The following PWWP3A variants were observed in gnomAD, a reference collection of about 807,000 sequenced individuals.
PWWP3A encodes the protein PWWP domain-containing DNA repair factor 3A.
Under a neutral mutation model 79.0 loss-of-function variants are expected in PWWP3A, and 53 were observed. The ratio of observed to expected loss-of-function variants is 0.67; its 90% confidence interval spans 0.54 to 0.84. The LOEUF is 0.84. Ranked by LOEUF, PWWP3A falls within the 40% of genes least tolerant of loss-of-function variation. The probability of loss-of-function intolerance (pLI) is 0.00; values close to 1 mark genes in which losing one functional copy is unlikely to be tolerated. For synonymous variants in PWWP3A, 443 were observed against 394.4 expected (o/e 1.12, Z -1.46); for missense variants, 973 against 948.0 (o/e 1.03, Z -0.35).
chr19:1,366,157 C>T, intron 7 of PWWP3A, 148 bp from the exon 8 acceptor site: 1 of 749,790 alleles, frequency 1.3e-6, no homozygotes, highest in Non-Finnish European at 2.2e-6. Flanking sequence ...GGCCGTTTCT[C>T]AGCGCCTCCT....
chr19:1,373,125 G>A lies in PWWP3A; in HGVS notation c.2040G>A (p.Glu680=), dbSNP rs1340638020. ...AVDEVDYKTA[E]EKYIKGPSLS... ...ACGAGGTGGACTACAAGACGGCTGA[G>A]GAGAAGTACATCAAGGGGCCTTCGC... The change falls in exon 13 of 14, where the codon GAG becomes GAA. Residue 680 remains glutamate, a synonymous_variant. Coordinates refer to ENST00000591337, the MANE Select transcript of PWWP3A (RefSeq NM_001369789.1). 6.2e-7 allele frequency: 1 copy of A among 1,614,254 alleles called. No individual in the cohort carries two copies. The highest frequency in any genetic ancestry group is 2.2e-5 in the East Asian group (1 of 44,890).
intron 12 of PWWP3A, chr19:1,372,712 A>C: frequency 5.6e-6 from 1 of 178,078 alleles, no homozygotes; most frequent in Non-Finnish European, 1.2e-5. Context: ...AGCTGAGATT[A>C]TGCCATTGCG....
chr19:1,372,878 G>A (rs2144762959), intron 12 of PWWP3A, 194 bp from the exon 13 acceptor site: 1 of 582,940 alleles, frequency 1.7e-6, no homozygotes, highest in Non-Finnish European at 3.1e-6. Context: ...CCGAAAGATA[G>A]TACTGATTTA....
At position 1,360,243 on chromosome 19, in the gene PWWP3A, A is replaced by G; in HGVS notation, c.322A>G (p.Ser108Gly). The G allele has an allele frequency of 1.9e-6, 3 of 1,614,078 alleles. No homozygotes were observed. Among genetic ancestry groups the G allele is most frequent in the Non-Finnish European group, 2.5e-6 (3 of 1,179,986 alleles). ...LSEGSIWSQE[S>G]SAGTGRADRS... ...CGAGGGCTCGATTTGGAGTCAAGAA[A>G]GCTCTGCAGGGACAGGTAGAGCTGA... The change falls in exon 5 of 14, where the codon AGC (serine) becomes GGC (glycine). Residue 108 changes from serine to glycine, a missense_variant. Coordinates refer to ENST00000591337, the MANE Select transcript of PWWP3A (RefSeq NM_001369789.1). The surrounding 1 kb of genome is among the most constrained non-coding windows in gnomAD (Gnocchi z 4.4).
intron 7 of PWWP3A, among the ~76,000 whole-genome samples, chr19:1,364,978 G>C (rs895998132): frequency 2.6e-5 from 4 of 152,084 alleles, no homozygotes; most frequent in African/African-American, 7.2e-5. Flanking sequence ...AAATTAGCCG[G>C]GCGTGGTGGC....
At chr19:1,371,318 A>G in intron 12 of PWWP3A, 2 of 709,136 alleles carry the variant, frequency 2.8e-6, no homozygotes, top group Admixed American at 2.0e-5. Flanking sequence ...GGAGCTGCTT[A>G]GAAGCTGTCA....
intron 7 of PWWP3A, 129 bp from the exon 8 acceptor site, chr19:1,366,165 CCTTGCGGGAGA>C: frequency 1.3e-6 from 1 of 774,390 alleles, no homozygotes; most frequent in Non-Finnish European, 2.1e-6. Flanking sequence ...CTCAGCGCCT[CCTTGCGGGAGA>C]CTTCGCTGGG....
chr19:1,357,611 T>C (rs1431630590), intron 3 of PWWP3A: 2 of 153,110 alleles, frequency 1.3e-5, no homozygotes, highest in African/African-American at 2.4e-5. Flanking sequence ...ATTGTTCTGC[T>C]CCGTGAGTGT....
Position 1,371,011 on chromosome 19 carries a change from G to A in PWWP3A, c.1919G>A (p.Gly640Glu), listed in dbSNP as rs1263579030. The A allele has an allele frequency of 1.3e-6, 2 of 1,573,108 alleles. No homozygotes were observed. The highest frequency in any genetic ancestry group is 1.7e-6 in the Non-Finnish European group (2 of 1,159,084). Residue 640 changes from glycine to glutamate, a missense_variant, in exon 12 of 14, where the codon GGG (glycine) becomes GAG (glutamate). Coordinates refer to ENST00000591337, the MANE Select transcript of PWWP3A (RefSeq NM_001369789.1). Reference protein sequence around the residue: ...KYLQGVYQEVGAKVLQRTNGD... With the variant: ...KYLQGVYQEVEAKVLQRTNGD... The stretch of plus-strand genomic sequence containing the variant: ...CTGCAGGGCGTCTACCAGGAGGTGG[G>A]GGCCAAGGTGCTCCAGCGCACCAAC...
intron 5 of PWWP3A, among the ~76,000 whole-genome samples, chr19:1,361,732 C>T (rs1382021536): frequency 6.8e-6 from 1 of 146,952 alleles, no homozygotes; most frequent in Non-Finnish European, 1.5e-5. Context: ...ACAAAGTGAC[C>T]GCACCCCTAC....
At chr19:1,356,287 A>C in intron 1 of PWWP3A, 37 bp from the exon 2 acceptor site, 3 of 1,111,656 alleles carry the variant, frequency 2.7e-6, no homozygotes, top group Non-Finnish European at 2.7e-6. Context: ...ATCGCCAGCA[A>C]ACAGTTGTAT....
intron 13 of PWWP3A, among the ~76,000 whole-genome samples, chr19:1,375,445 ATT>A (rs1351961387): frequency 2.2e-4 from 30 of 134,550 alleles, no homozygotes; most frequent in South Asian, 8.6e-4. Flanking sequence ...AGCCATATAT[ATT>A]TATATATAAT....
At position 1,360,896 on chromosome 19, in the gene PWWP3A, A is replaced by G. The variant is rs928193269; in HGVS notation, c.975A>G (p.Pro325=). 2 of 1,542,560 alleles carry G rather than the reference A, an allele frequency of 1.3e-6. No homozygotes were observed. Among genetic ancestry groups the G allele is most frequent in the South Asian group, 1.2e-5 (1 of 83,440 alleles). The part of the protein sequence containing the change: ...QLEPMAAGAA[P]SPGPGPGPRE... ...AGCCCATGGCAGCAGGGGCCGCACC[A>G]TCCCCCGGGCCGGGGCCAGGGCCCA... Residue 325 remains proline, a synonymous_variant, in exon 5 of 14, where the codon CCA becomes CCG. Coordinates refer to ENST00000591337, the MANE Select transcript of PWWP3A (RefSeq NM_001369789.1). The surrounding 1 kb of genome is among the most constrained non-coding windows in gnomAD (Gnocchi z 4.4).
intron 6 of PWWP3A, among the ~76,000 whole-genome samples, chr19:1,363,936 T>G (rs1421739284): frequency 1.3e-5 from 2 of 152,214 alleles, no homozygotes; most frequent in Non-Finnish European, 2.9e-5. Context: ...TTTCCAGTAG[T>G]TTTTCTAATA....
chr19:1,356,167 C>A, intron 1 of PWWP3A, 157 bp from the exon 2 acceptor site: 5 of 503,464 alleles, frequency 9.9e-6, no homozygotes, highest in Non-Finnish European at 1.1e-5. Flanking sequence ...TTCTGTTTGT[C>A]AGTCTGCTTT....
At position 1,360,096 on chromosome 19, in the gene PWWP3A, A is replaced by G; in HGVS notation, c.215-40A>G. On this transcript the variant is annotated intron_variant, in intron 4 of 13. Coordinates refer to ENST00000591337, the MANE Select transcript of PWWP3A (RefSeq NM_001369789.1). The surrounding 1 kb of genome is among the most constrained non-coding windows in gnomAD (Gnocchi z 4.4). The stretch of plus-strand genomic sequence containing the variant: ...GATGCCGTGACCGCAGTGCCTGTGC[A>G]GTGAACGTAACCGGCATTGTGTATG... 10 of 1,510,526 alleles carry G rather than the reference A, an allele frequency of 6.6e-6. No homozygotes were observed. Among genetic ancestry groups the G allele is most frequent in the Non-Finnish European group, 7.1e-6 (8 of 1,132,382 alleles). 93.6% of individuals were successfully genotyped at this position (1,510,526 alleles called of 1,614,324 possible).
At chr19:1,364,438 C>T in intron 6 of PWWP3A, 71 bp from the exon 7 acceptor site, 1 of 1,150,874 alleles carries the variant, frequency 8.7e-7, no homozygotes, top group Admixed American at 2.2e-5. Flanking sequence ...CAGGCTGTTA[C>T]ACCTGGTGCT....
Position 1,355,040 on chromosome 19 carries a change from A to C in PWWP3A, c.-165A>C, listed in dbSNP as rs1466801979. 6.6e-6 allele frequency: 1 copy of C among 150,606 alleles called. No individual in the cohort carries two copies. The highest frequency in any genetic ancestry group is 1.8e-4 in the South Asian group (1 of 5,684). The allele number at this position is 150,606 out of a possible 1,614,324, so 9.3% of individuals were successfully genotyped here. On this transcript the variant is annotated 5_prime_UTR_variant, in exon 1 of 14. Coordinates refer to ENST00000591337, the MANE Select transcript of PWWP3A (RefSeq NM_001369789.1). Reference sequence around the variant, plus strand: ...GAGGCGGTGAGCGCGGGCGGCGCGGACGGCAGCGGTTGGCGGGCGGGTCCT... The same window carrying C: ...GAGGCGGTGAGCGCGGGCGGCGCGGCCGGCAGCGGTTGGCGGGCGGGTCCT...
chr19:1,358,709 C>T (rs2081942027), intron 4 of PWWP3A: 1 of 1,506,842 alleles, frequency 6.6e-7, no homozygotes, highest in South Asian at 1.2e-5. Context: ...TGGTGAGCAT[C>T]AAGGTCATCT....
Sources: allele counts gnomAD v4.1 joint callset (sites outside exome capture counted in the v4.1 genomes callset), GRCh38; gene constraint gnomAD v4.1.1; non-coding constraint Gnocchi (gnomAD v3.1); transcripts MANE v1.5; gene names NCBI Gene and HGNC (gene_info 2026-07-23, HGNC 2026-07-21).